DCDC1: variants seen among roughly 807,000 people sequenced by gnomAD.
The protein encoded by DCDC1 is doublecortin domain-containing protein 1.
In DCDC1, 200 loss-of-function variants were observed where a neutral mutation model predicts 178.3. The observed-to-expected ratio is 1.12, with a 90% CI of 1.00 to 1.26. The LOEUF is 1.26. DCDC1 is among the 50% of genes most tolerant of loss of function. The pLI, the probability that DCDC1 is intolerant of heterozygous loss-of-function variation, is 0.00. For missense variants in DCDC1, 1,983 were observed against 1,749.2 expected, an observed-to-expected ratio of 1.13 and a Z score of -2.38; for synonymous variants, 690 against 604.8, an observed-to-expected ratio of 1.14 and a Z score of -2.07.
chr11:31,012,197 T>A (rs768908716), intron 20 of DCDC1, among the ~76,000 whole-genome samples: 1 of 152,200 alleles, frequency 6.6e-6, no homozygotes, highest in Non-Finnish European at 1.5e-5. Context: ...AAACTTCTTT[T>A]CTTTATAAAT....
intron 20 of DCDC1, among the ~76,000 whole-genome samples, chr11:30,984,022 T>C (rs1303394116): frequency 6.6e-6 from 1 of 152,168 alleles, no homozygotes; most frequent in Non-Finnish European, 1.5e-5. Flanking sequence ...AGTCCTTTCC[T>C]TACTGCTGTG....
intron 34 of DCDC1, among the ~76,000 whole-genome samples, chr11:30,899,042 T>TA (rs907927446): frequency 5.9e-5 from 9 of 152,014 alleles, no homozygotes; most frequent in Middle Eastern, 3.2e-3. Flanking sequence ...TCTTATGCTG[T>TA]ATAAAAAGGA....
intron 20 of DCDC1, among the ~76,000 whole-genome samples, chr11:31,048,158 T>C (rs1365656913): frequency 6.6e-6 from 1 of 152,184 alleles, no homozygotes; most frequent in Non-Finnish European, 1.5e-5. Flanking sequence ...GAAGCCACAC[T>C]AATCTGACTG....
chr11:30,973,953 C>T (rs1949957879), intron 20 of DCDC1, among the ~76,000 whole-genome samples: 2 of 151,870 alleles, frequency 1.3e-5, no homozygotes, highest in Admixed American at 1.3e-4. Context: ...CTCATCAGTA[C>T]ATGGAACATT....
At chr11:31,128,163 C>T (rs1208932286) in intron 10 of DCDC1, among the ~76,000 whole-genome samples, 1 of 151,936 alleles carries the variant, frequency 6.6e-6, no homozygotes, top group East Asian at 1.9e-4. Context: ...TATTCCAATA[C>T]TTTTTCCCAC....
chr11:30,875,060 G>A (rs998085079), intron 38 of DCDC1, among the ~76,000 whole-genome samples: 1 of 152,118 alleles, frequency 6.6e-6, no homozygotes, highest in African/African-American at 2.4e-5. Context: ...ATTTGGTACA[G>A]GGTGACAGCC....
intron 9 of DCDC1, among the ~76,000 whole-genome samples, chr11:31,148,210 T>TAAA (rs55829692): frequency 0.011 from 1,017 of 95,444 alleles, 33 homozygotes; most frequent in African/African-American, 0.036. Context: ...TTTATTATTA[T>TAAA]AAAAAAAAAA....
intron 1 of DCDC1, among the ~76,000 whole-genome samples, chr11:31,349,930 AT>A (rs1247901758): frequency 6.6e-6 from 1 of 152,120 alleles, no homozygotes; most frequent in Non-Finnish European, 1.5e-5. Flanking sequence ...TGAGAACATG[AT>A]TTTTTATTAC....
chr11:31,137,921 T>C, intron 9 of DCDC1, 137 bp from the exon 10 acceptor site: 1 of 552,904 alleles, frequency 1.8e-6, no homozygotes, highest in South Asian at 2.4e-5. Flanking sequence ...GAAAATAAAC[T>C]CTGAATTTCA....
intron 1 of DCDC1, among the ~76,000 whole-genome samples, chr11:31,336,824 T>C (rs184583362): frequency 2.0e-5 from 3 of 152,338 alleles, no homozygotes; most frequent in Admixed American, 6.5e-5. Context: ...TTAGTGGAGA[T>C]GGTCCATGCA....
rs573397853 is a variant in DCDC1 at position 31,148,032 on chromosome 11, T to C, written c.1222-10248A>G. The stretch of plus-strand genomic sequence containing the variant: ...GTTCCTCCAAAACTCAGAGTGGTAG[T>C]GGAAGAAATGCAGTAGAGAGGCAGT... On this transcript the variant is annotated intron_variant, in intron 9 of 38. Coordinates refer to ENST00000684477, the MANE Select transcript of DCDC1 (RefSeq NM_001387274.1). 1.6e-3 allele frequency among the ~76,000 whole-genome samples: 244 copies of C among 151,820 alleles called. 1 individual carries two copies. The highest frequency in any genetic ancestry group is 2.6e-3 in the Non-Finnish European group (176 of 67,896).
intron 17 of DCDC1, among the ~76,000 whole-genome samples, chr11:31,081,711 T>G (rs548457867): frequency 1.3e-5 from 2 of 152,204 alleles, no homozygotes; most frequent in African/African-American, 2.4e-5. Flanking sequence ...TTCTGGCATA[T>G]CTTTTCCTAG....
intron 9 of DCDC1, among the ~76,000 whole-genome samples, chr11:31,185,026 TAGACTGG>T (rs1969300505): frequency 6.6e-6 from 1 of 152,190 alleles, no homozygotes; most frequent in Non-Finnish European, 1.5e-5. Flanking sequence ...CCATCAATGA[TAGACTGG>T]ATAAAGAAAA....
intron 9 of DCDC1, among the ~76,000 whole-genome samples, chr11:31,223,217 T>C (rs1268237206): frequency 6.6e-6 from 1 of 152,158 alleles, no homozygotes; most frequent in Non-Finnish European, 1.5e-5. Context: ...TATATTACAA[T>C]AGGAGAATGG....
chr11:30,987,764 C>G (rs1474242666), intron 20 of DCDC1, among the ~76,000 whole-genome samples: 1 of 152,202 alleles, frequency 6.6e-6, no homozygotes, highest in African/African-American at 2.4e-5. Context: ...TGACCCAACA[C>G]AAATTTGTAA....
At chr11:30,880,401 T>C (rs1236953211) in intron 37 of DCDC1, among the ~76,000 whole-genome samples, 1 of 152,188 alleles carries the variant, frequency 6.6e-6, no homozygotes, top group Non-Finnish European at 1.5e-5. Context: ...AAAGATAGAA[T>C]TGCAACTGTT....
At chr11:31,064,447 C>T (rs780033069) in intron 20 of DCDC1, 22 bp downstream of exon 20, 2 of 744,676 alleles carry the variant, frequency 2.7e-6, no homozygotes, top group African/African-American at 1.7e-5. Flanking sequence ...AGCAATAAAG[C>T]TCAGTTCTGT....
Position 31,092,662 on chromosome 11 carries a change from G to C in DCDC1, c.2119-1151C>G, listed in dbSNP as rs146817530. On this transcript the variant is annotated intron_variant, in intron 16 of 38. Coordinates refer to ENST00000684477, the MANE Select transcript of DCDC1 (RefSeq NM_001387274.1). Reference sequence around the variant, plus strand: ...TTATTTTTGAGGAGATTTTAGACAAGTACATGTTTTCTGCTATCATGAAAT... The same window carrying C: ...TTATTTTTGAGGAGATTTTAGACAACTACATGTTTTCTGCTATCATGAAAT... Among the ~76,000 whole-genome samples, 302 of 152,266 alleles carry C rather than the reference G, an allele frequency of 2.0e-3. 1 individual carries two copies. Among genetic ancestry groups the C allele is most frequent in the African/African-American group, 7.0e-3 (290 of 41,552 alleles).
chr11:31,048,881 T>C (rs1404821577), intron 20 of DCDC1, among the ~76,000 whole-genome samples: 1 of 152,084 alleles, frequency 6.6e-6, no homozygotes, highest in East Asian at 1.9e-4. Context: ...TGTCAATTAG[T>C]TGTATTAAAA....
Sources: gnomAD v4.1 joint callset for allele counts (sites outside exome capture counted in the v4.1 genomes callset) on GRCh38, gnomAD v4.1.1 for gene constraint, MANE v1.5 for transcripts, NCBI Gene and HGNC (gene_info 2026-07-23, HGNC 2026-07-21) for gene names.